The following ZC2HC1A variants were observed in gnomAD, a reference collection of about 807,000 sequenced individuals.
The protein encoded by ZC2HC1A is zinc finger C2HC domain-containing protein 1A.
In ZC2HC1A, 28 loss-of-function variants were observed where a neutral mutation model predicts 40.7. That is an observed-to-expected ratio of 0.69 (90% CI 0.51 to 0.94). The LOEUF is 0.94. ZC2HC1A is among the 40% of genes least tolerant of loss of function. The pLI is 0.00. For missense variants in ZC2HC1A, 389 were observed against 386.3 expected, an observed-to-expected ratio of 1.01 and a Z score of -0.06; for synonymous variants, 129 against 129.2, an observed-to-expected ratio of 1.00 and a Z score of 0.01.
intron 3 of ZC2HC1A, among the ~76,000 whole-genome samples, chr8:78,682,607 G>A (rs1809825462): frequency 6.6e-6 from 1 of 152,142 alleles, no homozygotes; most frequent in South Asian, 2.1e-4. Context: ...GGGATTATGA[G>A]AACTACAATT....
At chr8:78,669,806 A>AT (rs1483228802) in intron 1 of ZC2HC1A, among the ~76,000 whole-genome samples, 2 of 151,546 alleles carry the variant, frequency 1.3e-5, no homozygotes, top group Admixed American at 1.3e-4. Flanking sequence ...GTTTTTATTC[A>AT]TTTTTTCCCT....
Position 78,686,463 on chromosome 8 carries a change from A to ATT in ZC2HC1A, c.211-3_211-2insTT. 1 of 1,364,610 alleles carries ATT rather than the reference A, an allele frequency of 7.3e-7. No individual in the cohort carries two copies. The highest frequency in any genetic ancestry group is 1.8e-5 in the South Asian group (1 of 56,358). The allele number at this position is 1,364,610 out of a possible 1,614,324, so 84.5% of individuals were successfully genotyped here. On this transcript the variant is annotated splice_region_variant and splice_polypyrimidine_tract_variant and intron_variant, in intron 3 of 8. Coordinates refer to ENST00000263849, the MANE Select transcript of ZC2HC1A (RefSeq NM_016010.3). ...TATTTATTTATTTATTTATTTATTTATAGCCAGAACCACCAAAGAAACCAT... is the reference window on the plus strand; with the variant it reads ...TATTTATTTATTTATTTATTTATTTATTTAGCCAGAACCACCAAAGAAACCAT...
In ZC2HC1A at chr8:78,719,384, C is replaced by A. The variant is rs573147398; in HGVS notation, c.*1891C>A. On this transcript the variant is annotated 3_prime_UTR_variant, in exon 9 of 9. Coordinates refer to ENST00000263849, the MANE Select transcript of ZC2HC1A (RefSeq NM_016010.3). Reference sequence around the variant, plus strand: ...TGAGTTGGTAAGAAATCATCTAGTTCCAGAGCCCAGAGATTATAAACAGTA... The same window carrying A: ...TGAGTTGGTAAGAAATCATCTAGTTACAGAGCCCAGAGATTATAAACAGTA... 2 of 151,498 alleles carry A rather than the reference C, an allele frequency of 1.3e-5. No individual in the cohort carries two copies. The highest frequency in any genetic ancestry group is 3.0e-5 in the Non-Finnish European group (2 of 67,600). 9.4% of individuals were successfully genotyped at this position (151,498 alleles called of 1,614,324 possible).
chr8:78,666,671 C>T (rs1053289818), intron 1 of ZC2HC1A, among the ~76,000 whole-genome samples: 3 of 152,150 alleles, frequency 2.0e-5, no homozygotes, highest in African/African-American at 7.2e-5. Context: ...CATCTTCTGT[C>T]GGAGGGATGT....
rs1194178239 is a variant in ZC2HC1A at position 78,675,818 on chromosome 8, G to A, written c.48G>A (p.Leu16=). Residue 16 remains leucine (L), a synonymous_variant, in exon 2 of 9, where the codon TTG becomes TTA. Transcript: ENST00000263849. ...ENGGVVQVGE[L]LPCKICGRTF... ...GAGGTGTTGTCCAAGTTGGAGAATT[G>A]TTACCTTGCAAGATTTGTGGAAGAA... is the stretch of plus-strand genomic sequence containing the variant. 2 of 1,609,960 alleles carry A rather than the reference G, an allele frequency of 1.2e-6. No individual in the cohort carries two copies. Among genetic ancestry groups the A allele is most frequent in the East Asian group, 4.5e-5 (2 of 44,552 alleles).
chr8:78,714,877 G>T (rs541231491), intron 7 of ZC2HC1A, among the ~76,000 whole-genome samples: 1 of 151,808 alleles, frequency 6.6e-6, no homozygotes, highest in Non-Finnish European at 1.5e-5. Flanking sequence ...ACCATTATCC[G>T]TAAGCATTTA....
chr8:78,678,721 T>C (rs1416137711), intron 3 of ZC2HC1A, 42 bp downstream of exon 3: 10 of 1,386,890 alleles, frequency 7.2e-6, no homozygotes, highest in Non-Finnish European at 7.9e-6. Flanking sequence ...TTTGGTGTTA[T>C]GTATGTTGAA....
chr8:78,681,673 G>A (rs1809783961), intron 3 of ZC2HC1A, among the ~76,000 whole-genome samples: 2 of 152,106 alleles, frequency 1.3e-5, no homozygotes, highest in South Asian at 4.1e-4. Flanking sequence ...AGCTGAGCCA[G>A]GAGGTTTCTT....
At chr8:78,713,645 C>T (rs1811013765) in intron 7 of ZC2HC1A, among the ~76,000 whole-genome samples, 1 of 152,088 alleles carries the variant, frequency 6.6e-6, no homozygotes, top group Non-Finnish European at 1.5e-5. Context: ...CAGGGCATTC[C>T]ATTCATGCAC....
rs371450986 is a variant in ZC2HC1A at position 78,714,320 on chromosome 8, A to G, written c.705-901A>G. On this transcript the variant is annotated intron_variant, in intron 7 of 8. Coordinates refer to ENST00000263849, the MANE Select transcript of ZC2HC1A (RefSeq NM_016010.3). ...GGATTATTAGGATAAATAAATTTCTATGGGCAAAATAATTAGAATTGTACT... is the reference window on the plus strand; with the variant it reads ...GGATTATTAGGATAAATAAATTTCTGTGGGCAAAATAATTAGAATTGTACT... Among the ~76,000 whole-genome samples, 5 of 152,282 alleles carry G rather than the reference A, an allele frequency of 3.3e-5. No individual in the cohort carries two copies. In the East Asian group the frequency reaches 7.7e-4, roughly 24 times the overall value.
intron 8 of ZC2HC1A, among the ~76,000 whole-genome samples, chr8:78,717,062 A>T (rs917197423): frequency 6.6e-6 from 1 of 152,154 alleles, no homozygotes; most frequent in South Asian, 2.1e-4. Context: ...GTAGTTCTTT[A>T]TAGCAATGTG....
At chr8:78,710,539 T>C (rs1810920276) in intron 7 of ZC2HC1A, among the ~76,000 whole-genome samples, 1 of 152,190 alleles carries the variant, frequency 6.6e-6, no homozygotes, top group South Asian at 2.1e-4. Flanking sequence ...GAGGAATATG[T>C]TTTTAAAATA....
chr8:78,698,323 T>G (rs1586013174), intron 6 of ZC2HC1A, 91 bp from the exon 7 acceptor site: 2 of 1,072,620 alleles, frequency 1.9e-6, no homozygotes, highest in East Asian at 5.3e-5. Flanking sequence ...TTGCAAAGAT[T>G]ATTACTAAAG....
At chr8:78,710,826 C>T (rs763068715) in intron 7 of ZC2HC1A, among the ~76,000 whole-genome samples, 9 of 152,090 alleles carry the variant, frequency 5.9e-5, no homozygotes, top group East Asian at 5.8e-4. Flanking sequence ...TAAATCCTCA[C>T]GTAAACACCA....
rs117812286 is a variant in ZC2HC1A at position 78,700,864 on chromosome 8, T to G, written c.704+2351T>G. ...TGCTATTCTGTTCCACTGGTCCATG[T>G]TCCAGTACCATGCTGTTTTGATTAC... On this transcript the variant is annotated intron_variant, in intron 7 of 8. Transcript: ENST00000263849. Among the ~76,000 whole-genome samples, 100 of 152,338 alleles carry G rather than the reference T, an allele frequency of 6.6e-4. 2 individuals carry two copies. In the East Asian group the frequency reaches 0.017, roughly 26 times the overall value.
At chr8:78,695,126 C>G (rs1006029245) in intron 5 of ZC2HC1A, among the ~76,000 whole-genome samples, 1 of 152,052 alleles carries the variant, frequency 6.6e-6, no homozygotes, top group African/African-American at 2.4e-5. Flanking sequence ...TTTAAACAAG[C>G]AGTTTTCGGA....
chr8:78,686,416 A>G, intron 3 of ZC2HC1A, 51 bp from the exon 4 acceptor site: 1 of 1,276,806 alleles, frequency 7.8e-7, no homozygotes. Context: ...TCAATATACT[A>G]AAAAGATACT....
intron 1 of ZC2HC1A, among the ~76,000 whole-genome samples, chr8:78,666,977 A>T (rs912944172): frequency 2.0e-5 from 3 of 152,224 alleles, no homozygotes; most frequent in African/African-American, 7.2e-5. Context: ...CAGTTTCAAG[A>T]TTTTTTAATT....
At chr8:78,691,260 A>T (rs996504895) in intron 5 of ZC2HC1A, among the ~76,000 whole-genome samples, 1 of 141,488 alleles carries the variant, frequency 7.1e-6, no homozygotes, top group Non-Finnish European at 1.5e-5. Flanking sequence ...TAGTTTTGCC[A>T]GCTTTTAATT....
Sources: allele counts gnomAD v4.1 joint callset (sites outside exome capture counted in the v4.1 genomes callset), GRCh38; gene constraint gnomAD v4.1.1; transcripts MANE v1.5; gene names NCBI Gene and HGNC (gene_info 2026-07-23, HGNC 2026-07-21).